GPR158: variants seen among roughly 807,000 people sequenced by gnomAD.
GPR158 encodes the protein metabotropic glycine receptor.
GPR158 carries 30 observed loss-of-function variants against 78.2 expected under a neutral mutation model. That is an observed-to-expected ratio of 0.38 (90% CI 0.29 to 0.52). The LOEUF (loss-of-function observed/expected upper bound fraction) is 0.52. GPR158 is among the 20% of genes least tolerant of loss of function. The pLI is 0.83. For missense variants in GPR158, 1,463 were observed against 1,523.5 expected, an observed-to-expected ratio of 0.96 and a Z score of 0.66; for synonymous variants, 581 against 591.1, an observed-to-expected ratio of 0.98 and a Z score of 0.25.
In GPR158 at chr10:25,537,773, G is replaced by A. The variant is rs1397744784; in HGVS notation, c.1405-13203G>A. On this transcript the variant is annotated intron_variant, in intron 5 of 10. Coordinates refer to ENST00000376351, the MANE Select transcript of GPR158 (RefSeq NM_020752.3). ...TCCCCCTTGCCATTCTCATGATAGTGAGTTCTCATAAGATCAGGTTGTTTA... is the reference window on the plus strand; with the variant it reads ...TCCCCCTTGCCATTCTCATGATAGTAAGTTCTCATAAGATCAGGTTGTTTA... 1.3e-5 allele frequency among the ~76,000 whole-genome samples: 2 copies of A among 152,088 alleles called. 1 individual carries two copies. The highest frequency in any genetic ancestry group is 4.1e-4 in the South Asian group (2 of 4,820).
intron 2 of GPR158, chr10:25,244,770 A>G (rs1003191127): frequency 3.9e-5 from 6 of 152,148 alleles, no homozygotes; most frequent in African/African-American, 1.4e-4. Flanking sequence ...ACAATGATCA[A>G]TGAAGAAGTT....
chr10:25,482,640 C>T (rs535593592), intron 5 of GPR158, among the ~76,000 whole-genome samples: 1 of 152,202 alleles, frequency 6.6e-6, no homozygotes, highest in South Asian at 2.1e-4. Flanking sequence ...CTTATGATCT[C>T]ATCCATTCTC....
chr10:25,321,513 G>T (rs1854947433), intron 2 of GPR158, among the ~76,000 whole-genome samples: 1 of 152,204 alleles, frequency 6.6e-6, no homozygotes, highest in Non-Finnish European at 1.5e-5. Context: ...TATACAGAAA[G>T]CACACAGCTT....
At chr10:25,391,853 C>A (rs1012700631) in intron 2 of GPR158, among the ~76,000 whole-genome samples, 2 of 152,142 alleles carry the variant, frequency 1.3e-5, no homozygotes, top group African/African-American at 4.8e-5. Flanking sequence ...CAAATCTCAT[C>A]TTGAATTGTT....
At chr10:25,557,115 T>C (rs564294003) in intron 6 of GPR158, among the ~76,000 whole-genome samples, 8 of 152,370 alleles carry the variant, frequency 5.3e-5, no homozygotes, top group African/African-American at 1.4e-4. Context: ...TAGTGTGGAA[T>C]GCACCACAAA....
intron 5 of GPR158, among the ~76,000 whole-genome samples, chr10:25,480,303 T>C (rs1005086196): frequency 1.3e-5 from 2 of 152,220 alleles, no homozygotes; most frequent in African/African-American, 4.8e-5. Flanking sequence ...TATTCATCTT[T>C]ATTATAACCA....
At chr10:25,448,083 CT>C (rs35421884) in intron 4 of GPR158, among the ~76,000 whole-genome samples, 47,576 of 117,792 alleles carry the variant, frequency 0.4, 7,832 homozygotes, top group East Asian at 0.88. Flanking sequence ...TGTCTGACTT[CT>C]TTTTTTTTTT....
chr10:25,414,909 T>G (rs996420551), intron 4 of GPR158, among the ~76,000 whole-genome samples: 2 of 152,140 alleles, frequency 1.3e-5, no homozygotes, highest in African/African-American at 4.8e-5. Flanking sequence ...TTGTTTAGAT[T>G]TGAATACTGT....
intron 5 of GPR158, among the ~76,000 whole-genome samples, chr10:25,540,614 A>G (rs946104606): frequency 6.6e-5 from 10 of 151,640 alleles, no homozygotes; most frequent in Non-Finnish European, 1.2e-4. Context: ...ATGCAGCCAT[A>G]AAAAAGGATG....
chr10:25,367,416 C>A (rs1855739783), intron 2 of GPR158, among the ~76,000 whole-genome samples: 1 of 151,588 alleles, frequency 6.6e-6, no homozygotes, highest in Non-Finnish European at 1.5e-5. Flanking sequence ...ATAACTTATA[C>A]AATAAGCCCC....
chr10:25,405,348 T>C (rs1834498269), intron 3 of GPR158, among the ~76,000 whole-genome samples: 1 of 151,600 alleles, frequency 6.6e-6, no homozygotes, highest in Admixed American at 6.6e-5. Flanking sequence ...CAAAAGATAC[T>C]TTTTTTTAAC....
At chr10:25,302,067 CT>C (rs200536212) in intron 2 of GPR158, among the ~76,000 whole-genome samples, 206 of 133,956 alleles carry the variant, frequency 1.5e-3, no homozygotes, top group East Asian at 8.0e-3. Context: ...TAATTTGTTC[CT>C]TTTTTTTTTT....
chr10:25,198,489 T>C (rs1022443553), intron 1 of GPR158, among the ~76,000 whole-genome samples: 1 of 152,188 alleles, frequency 6.6e-6, no homozygotes, highest in Non-Finnish European at 1.5e-5. Context: ...TATCAGGTCA[T>C]GATTGAAATT....
At position 25,433,694 on chromosome 10, in the gene GPR158, C is replaced by CTTTTCT. The variant is rs1554803676; in HGVS notation, c.1335+21225_1335+21226insCTTTTT. Among the ~76,000 whole-genome samples the CTTTTCT allele has an allele frequency of 1.9e-3, 206 of 109,826 alleles. 2 individuals carry two copies. The highest frequency in any genetic ancestry group is 6.9e-3 in the African/African-American group (198 of 28,846). The allele number at this position is 109,826 out of a possible 152,430, so 72.1% of individuals were successfully genotyped here. ...TTTTCCTTTCTTTCTTTCTTTCTTT[C>CTTTTCT]TTTTTTTTTTTTTTTTTGGTACAGG... On this transcript the variant is annotated intron_variant, in intron 4 of 10. Transcript: ENST00000376351.
At chr10:25,479,144 CGAT>C (rs1350530815) in intron 5 of GPR158, among the ~76,000 whole-genome samples, 4 of 151,866 alleles carry the variant, frequency 2.6e-5, no homozygotes, top group African/African-American at 4.8e-5. Flanking sequence ...GATTTATAAT[CGAT>C]GATTTTTAGA....
intron 2 of GPR158, among the ~76,000 whole-genome samples, chr10:25,341,779 C>A (rs1855305880): frequency 6.6e-6 from 1 of 151,686 alleles, no homozygotes; most frequent in African/African-American, 2.4e-5. Flanking sequence ...AAGGTCTGTG[C>A]CAATCTTTTG....
chr10:25,221,448 T>C (rs766155681), intron 2 of GPR158, among the ~76,000 whole-genome samples: 18 of 152,212 alleles, frequency 1.2e-4, no homozygotes, highest in Non-Finnish European at 1.5e-4. Flanking sequence ...AGTCCTGAGA[T>C]GAGAAACCAG....
At chr10:25,528,721 G>A (rs962372407) in intron 5 of GPR158, among the ~76,000 whole-genome samples, 2 of 152,280 alleles carry the variant, frequency 1.3e-5, no homozygotes, top group African/African-American at 4.8e-5. Context: ...CATTGTAATT[G>A]TAATCAAAAC....
chr10:25,219,330 G>C (rs573793601), intron 1 of GPR158, among the ~76,000 whole-genome samples: 11 of 152,300 alleles, frequency 7.2e-5, no homozygotes, highest in Admixed American at 3.9e-4. Flanking sequence ...ACAGTGATAT[G>C]CACATACCAG....
Sources: gnomAD v4.1 joint callset for allele counts (sites outside exome capture counted in the v4.1 genomes callset) on GRCh38, gnomAD v4.1.1 for gene constraint, MANE v1.5 for transcripts, NCBI Gene and HGNC (gene_info 2026-07-23, HGNC 2026-07-21) for gene names.